PCNT: variants seen among roughly 807,000 people sequenced by gnomAD.
PCNT encodes the protein kendrin.
In PCNT, 319 loss-of-function variants were observed where a neutral mutation model predicts 380.4. The observed-to-expected ratio is 0.84, with a 90% CI of 0.77 to 0.92. The LOEUF is 0.92. PCNT is among the 40% of genes least tolerant of loss of function. The pLI, the probability that PCNT is intolerant of heterozygous loss-of-function variation, is 0.00. For missense variants in PCNT, 4,400 were observed against 4,255.3 expected (o/e 1.03, Z -0.95); for synonymous variants, 1,845 against 1,735.2 (o/e 1.06, Z -1.57).
Position 46,399,785 on chromosome 21 carries a change from G to C in PCNT, c.4780G>C (p.Gly1594Arg), listed in dbSNP as rs763593028. ...EVEKQKNIVK[G>R]LEQDKEVLKK... The stretch of plus-strand genomic sequence containing the variant: ...GGAAAAACAGAAAAACATCGTGAAA[G>C]GGCTGGAACAGGTAAAGCGTCTCCA... Residue 1594 changes from glycine (G) to arginine (R), a missense_variant, in exon 25 of 47, where the codon GGG (glycine) becomes CGG (arginine). By Grantham distance (125) the Gly-to-Arg change is moderately radical. Transcript: ENST00000359568. The C allele has an allele frequency of 1.5e-5, 24 of 1,613,864 alleles. No homozygotes were observed. In the South Asian group the frequency reaches 2.6e-4, roughly 18 times the overall value.
chr21:46,324,337 C>A (rs1301894013), intron 1 of PCNT, 55 bp downstream of exon 1: 7 of 1,423,944 alleles, frequency 4.9e-6, no homozygotes, highest in Non-Finnish European at 6.8e-6. Flanking sequence ...CTAAGGGCGG[C>A]TCCGGTGCCC....
chr21:46,328,271 C>CCCT (rs60896945), intron 2 of PCNT, among the ~76,000 whole-genome samples: 16 of 145,712 alleles, frequency 1.1e-4, no homozygotes, highest in Non-Finnish European at 2.0e-4. Flanking sequence ...TTTTTTTTCC[C>CCCT]GTTTTCTTTT....
intron 15 of PCNT, among the ~76,000 whole-genome samples, chr21:46,367,602 C>T (rs3788257): frequency 0.085 from 12,878 of 152,152 alleles, 797 homozygotes; most frequent in East Asian, 0.28. Context: ...CCACCGCACC[C>T]GGCCTGAGCT....
At chr21:46,423,929 G>T (rs1208792048) in intron 32 of PCNT, among the ~76,000 whole-genome samples, 2 of 152,252 alleles carry the variant, frequency 1.3e-5, no homozygotes, top group Admixed American at 6.5e-5. Context: ...ATCACAAGGA[G>T]TTTTTTTCAT....
rs1257821144 is a variant in PCNT at position 46,353,993 on chromosome 21, C to T, written c.1686C>T (p.Ser562=). The change falls in exon 11 of 47, where the codon TCC becomes TCT. Residue 562 remains serine, a synonymous_variant. Coordinates refer to ENST00000359568, the MANE Select transcript of PCNT (RefSeq NM_006031.6). ...TAAAATGTTTTCCCTTCAGGTTGTC[C>T]TGTGTGGGTTTAGAAGAGAAACCTG... ...ALLDSVEVGL[S]CVGLEEKPEK... The T allele has an allele frequency of 1.2e-6, 2 of 1,613,426 alleles. No individual in the cohort carries two copies. The highest frequency in any genetic ancestry group is 1.7e-6 in the Non-Finnish European group (2 of 1,179,508).
At chr21:46,389,022 T>TA in intron 18 of PCNT, 138 bp downstream of exon 18, 2 of 1,401,814 alleles carry the variant, frequency 1.4e-6, no homozygotes, top group South Asian at 2.5e-5. Flanking sequence ...TTTCCGCACT[T>TA]ACAGAAGGCC....
chr21:46,414,522 C>T (rs1260492601), intron 29 of PCNT, among the ~76,000 whole-genome samples: 2 of 146,862 alleles, frequency 1.4e-5, no homozygotes, highest in African/African-American at 5.1e-5. Context: ...CACAACCACC[C>T]ACCCTGCTCC....
At chr21:46,439,842 CA>C (rs1330461071) in intron 41 of PCNT, among the ~76,000 whole-genome samples, 1 of 152,062 alleles carries the variant, frequency 6.6e-6, no homozygotes, top group Non-Finnish European at 1.5e-5. Context: ...ACCTTTTTTG[CA>C]ATCATACTTC....
intron 3 of PCNT, among the ~76,000 whole-genome samples, chr21:46,341,674 C>T (rs1001416240): frequency 4.0e-5 from 6 of 151,282 alleles, no homozygotes; most frequent in East Asian, 3.9e-4. Context: ...GCCTCCTGGA[C>T]GTGTTTTGTT....
At position 46,370,837 on chromosome 21, in the gene PCNT, C is replaced by G. The variant is rs576975167; in HGVS notation, c.3165+3698C>G. ...GATCATGAGGTCAGGAGATCAAGAC[C>G]GTCCTGGCTAACACGGTGGAACCCC... On this transcript the variant is annotated intron_variant, in intron 15 of 46. Coordinates refer to ENST00000359568, the MANE Select transcript of PCNT (RefSeq NM_006031.6). 2.6e-5 allele frequency among the ~76,000 whole-genome samples: 4 copies of G among 152,274 alleles called. No individual in the cohort carries two copies. The South Asian group carries it at 8.3e-4, about 32-fold the overall frequency.
rs747067819 is a variant in PCNT at position 46,389,361 on chromosome 21, G to A, written c.3770G>A (p.Arg1257Gln). Residue 1257 changes from arginine to glutamine, a missense_variant, in exon 19 of 47, where the codon CGG (arginine) becomes CAG (glutamine). Physicochemically the swap from Arg to Gln is conservative, Grantham distance 43 (BLOSUM62 1). Coordinates refer to ENST00000359568, the MANE Select transcript of PCNT (RefSeq NM_006031.6). ...GTGCGGGAGTGTGAGCAGCCCATCC[G>A]GAGGGTCTTCCAGAGCCTCAGCCTG... Reference protein sequence around the residue: ...ESVRECEQPIRRVFQSLSLAV... With the variant: ...ESVRECEQPIQRVFQSLSLAV... 1.2e-5 allele frequency: 20 copies of A among 1,614,130 alleles called. No homozygotes were observed. The East Asian group carries it at 1.8e-4, about 14-fold the overall frequency.
At chr21:46,382,593 C>G (rs1319337284) in intron 16 of PCNT, among the ~76,000 whole-genome samples, 2 of 142,808 alleles carry the variant, frequency 1.4e-5, no homozygotes, top group Non-Finnish European at 3.0e-5. Flanking sequence ...GGCGGAAGCG[C>G]ATTCACGGTG....
rs746168948 is a variant in PCNT at position 46,391,421 on chromosome 21, G to A, written c.4216+45G>A. 2.1e-5 allele frequency: 31 copies of A among 1,456,152 alleles called. No homozygotes were observed. In the South Asian group the frequency reaches 2.2e-4, roughly 11 times the overall value. The allele number at this position is 1,456,152 out of a possible 1,614,324, so 90.2% of individuals were successfully genotyped here. A position where few individuals can be genotyped will look rare whatever the true frequency, so the allele number is the denominator to read the frequency against. ...GAGGGTGGTGCGAGCTGTGGGGCGC[G>A]GATACAGCTGCCACGGTTTCCCCAG... On this transcript the variant is annotated intron_variant, in intron 21 of 46. Transcript: ENST00000359568.
chr21:46,368,274 T>C (rs1057207400), intron 15 of PCNT, among the ~76,000 whole-genome samples: 13 of 151,946 alleles, frequency 8.6e-5, no homozygotes, highest in Non-Finnish European at 1.8e-4. Context: ...TGAAACCCCG[T>C]CTCTACTAAA....
In PCNT at chr21:46,379,910, G is replaced by A. The variant is rs1047883460; in HGVS notation, c.3166-1784G>A. On this transcript the variant is annotated intron_variant, in intron 15 of 46. Transcript: ENST00000359568. ...GCCAAGCCACATGGTCACTGCAGCC[G>A]GCCCAGGACCTCTTGGGCCTTTCCA... 9.9e-5 allele frequency among the ~76,000 whole-genome samples: 15 copies of A among 152,282 alleles called. No individual in the cohort carries two copies. The East Asian group carries it at 1.2e-3, about 12-fold the overall frequency.
At chr21:46,346,589 T>C (rs1319515534) in intron 4 of PCNT, 154 bp from the exon 5 acceptor site, 1 of 920,168 alleles carries the variant, frequency 1.1e-6, no homozygotes, top group East Asian at 2.6e-5. Flanking sequence ...CTCAGTGGCA[T>C]CCGGGCCTCT....
intron 8 of PCNT, among the ~76,000 whole-genome samples, chr21:46,350,734 G>A (rs1447144597): frequency 1.3e-5 from 2 of 152,184 alleles, no homozygotes; most frequent in East Asian, 3.9e-4. Context: ...AGTCCAGGCC[G>A]GGGCTCACTC....
chr21:46,431,291 C>T, intron 37 of PCNT: 1 of 1,384,772 alleles, frequency 7.2e-7, no homozygotes, highest in East Asian at 2.8e-5. Flanking sequence ...AGACTGGGAA[C>T]ATCTCTGAAC....
At chr21:46,375,758 G>A (rs796687755) in intron 15 of PCNT, among the ~76,000 whole-genome samples, 2 of 152,230 alleles carry the variant, frequency 1.3e-5, no homozygotes, top group Non-Finnish European at 1.5e-5. Flanking sequence ...CCTGCCCGAC[G>A]TCTCCTGGGG....
Sources: allele counts gnomAD v4.1 joint callset (sites outside exome capture counted in the v4.1 genomes callset), GRCh38; gene constraint gnomAD v4.1.1; transcripts MANE v1.5; gene names NCBI Gene and HGNC (gene_info 2026-07-23, HGNC 2026-07-21).